The following ADGRV1 variants were observed in gnomAD, a reference collection of about 807,000 sequenced individuals.
The protein encoded by ADGRV1 is G-protein coupled receptor 98.
A neutral mutation model predicts 596.2 loss-of-function variants in ADGRV1; 359 were observed. The observed-to-expected ratio is 0.60, with a 90% CI of 0.55 to 0.66. ADGRV1 has a LOEUF of 0.66. Ranked by LOEUF, ADGRV1 falls within the 30% of genes least tolerant of loss-of-function variation. The pLI is 0.00. For missense variants in ADGRV1, 7,274 were observed against 7,575.6 expected (o/e 0.96, Z 1.48); for synonymous variants, 2,681 against 2,679.2 (o/e 1.00, Z -0.02).
Position 90,705,392 on chromosome 5 carries a change from A to G in ADGRV1, c.8387-8A>G, listed in dbSNP as rs747409190. The G allele has an allele frequency of 1.5e-5, 24 of 1,612,468 alleles. No individual in the cohort carries two copies. Among genetic ancestry groups the G allele is most frequent in the Admixed American group, 1.3e-4 (8 of 59,870 alleles). ...AATCACTGTTAGATTCCTGCCTGAC[A>G]TTTTTAGGAGTTCCACCAGCCGGAA... On this transcript the variant is annotated splice_region_variant and splice_polypyrimidine_tract_variant and intron_variant, in intron 36 of 89. Transcript: ENST00000405460.
intron 1 of ADGRV1, among the ~76,000 whole-genome samples, chr5:90,587,378 A>G (rs1377383917): frequency 6.6e-6 from 1 of 152,070 alleles, no homozygotes; most frequent in African/African-American, 2.4e-5. Flanking sequence ...TATGATCCTT[A>G]TTGTTATTGA....
chr5:90,756,551 G>A lies in ADGRV1; in HGVS notation c.11678G>A (p.Arg3893Lys). 6.2e-7 allele frequency: 1 copy of A among 1,613,598 alleles called. No homozygotes were observed. Among genetic ancestry groups the A allele is most frequent in the Non-Finnish European group, 8.5e-7 (1 of 1,179,598 alleles). The part of the protein sequence containing the change: ...DFSTGQPSVR[R>K]PGMEIAEIMI... ...TCTACAGGACAGCCAAGTGTGCGGA[G>A]GCCCGGAATGGAAATAGCTGAGATA... is the stretch of plus-strand genomic sequence containing the variant. Residue 3893 changes from arginine to lysine, a missense_variant, in exon 56 of 90, where the codon AGG (arginine) becomes AAG (lysine). This residue lies in a region of ADGRV1 where 3,643 missense variants were observed against 3,809.2 expected (regional missense o/e 0.96). Coordinates refer to ENST00000405460, the MANE Select transcript of ADGRV1 (RefSeq NM_032119.4).
At chr5:90,755,814 T>C (rs896989995) in intron 55 of ADGRV1, among the ~76,000 whole-genome samples, 2 of 148,552 alleles carry the variant, frequency 1.3e-5, no homozygotes, top group Non-Finnish European at 3.0e-5. Context: ...ATTAATCTTA[T>C]ATATTATATA....
chr5:90,777,166 G>T (rs1758333113), intron 61 of ADGRV1, among the ~76,000 whole-genome samples: 2 of 152,126 alleles, frequency 1.3e-5, no homozygotes, highest in South Asian at 4.1e-4. Flanking sequence ...GAGAGCTGAC[G>T]TGTCCTACCT....
At chr5:90,665,039 A>G (rs1048897032) in intron 21 of ADGRV1, among the ~76,000 whole-genome samples, 3 of 151,376 alleles carry the variant, frequency 2.0e-5, no homozygotes, top group African/African-American at 4.9e-5. Context: ...GGATTTTTGC[A>G]TCAGTGTTCA....
intron 42 of ADGRV1, 72 bp downstream of exon 42, chr5:90,712,500 A>T: frequency 8.8e-7 from 1 of 1,130,880 alleles, no homozygotes; most frequent in South Asian, 1.6e-5. Flanking sequence ...GAAGATGTAA[A>T]GGAATGAGAA....
chr5:90,783,537 A>T (rs1391625877), intron 66 of ADGRV1, among the ~76,000 whole-genome samples: 1 of 152,196 alleles, frequency 6.6e-6, no homozygotes. Flanking sequence ...AAAGGAAATA[A>T]TATTTTCTGT....
intron 21 of ADGRV1, among the ~76,000 whole-genome samples, chr5:90,662,945 CA>C (rs1300310531): frequency 6.6e-6 from 1 of 150,812 alleles, no homozygotes; most frequent in Non-Finnish European, 1.5e-5. Context: ...ATGAACTCAT[CA>C]TTTTTTATGG....
At chr5:90,958,590 T>C (rs1409066603) in intron 83 of ADGRV1, among the ~76,000 whole-genome samples, 10 of 152,136 alleles carry the variant, frequency 6.6e-5, no homozygotes, top group Admixed American at 5.2e-4. Context: ...GTTGAAGGTG[T>C]CTTCAGGGTT....
chr5:91,104,540 A>G lies in ADGRV1; in HGVS notation c.18432+2200A>G, dbSNP rs1171721236. 2.6e-5 allele frequency among the ~76,000 whole-genome samples: 4 copies of G among 152,138 alleles called. No individual in the cohort carries two copies. The East Asian group carries it at 7.7e-4, about 29-fold the overall frequency. Reference sequence around the variant, plus strand: ...ACACAAGAACTTACTTCTTCTATCTAGCTGTAATTTTATATCTTTTAACAA... The same window carrying G: ...ACACAAGAACTTACTTCTTCTATCTGGCTGTAATTTTATATCTTTTAACAA... On this transcript the variant is annotated intron_variant, in intron 87 of 89. Transcript: ENST00000405460.
chr5:90,910,085 T>G (rs987813344), intron 83 of ADGRV1, among the ~76,000 whole-genome samples: 1 of 152,206 alleles, frequency 6.6e-6, no homozygotes, highest in Non-Finnish European at 1.5e-5. Context: ...GGTATTGCTG[T>G]TTATGCGTGC....
chr5:90,727,949 C>G (rs1040692918), intron 48 of ADGRV1, among the ~76,000 whole-genome samples: 1 of 152,204 alleles, frequency 6.6e-6, no homozygotes, highest in Admixed American at 6.5e-5. Context: ...TTGTCATCTT[C>G]AGTACTTGAC....
At position 90,844,970 on chromosome 5, in the gene ADGRV1, A is replaced by C. The variant is rs558013222; in HGVS notation, c.17020-3667A>C. Among the ~76,000 whole-genome samples, 4 of 152,300 alleles carry C rather than the reference A, an allele frequency of 2.6e-5. No homozygotes were observed. The South Asian group carries it at 8.3e-4, about 32-fold the overall frequency. ...ACAGATACCTTATATTTCAAGAATT[A>C]GTTTTTACACTTGATTTATTTTGTA... is the stretch of plus-strand genomic sequence containing the variant. On this transcript the variant is annotated intron_variant, in intron 78 of 89. Coordinates refer to ENST00000405460, the MANE Select transcript of ADGRV1 (RefSeq NM_032119.4).
At chr5:91,163,722 T>C in intron 89 of ADGRV1, 60 bp from the exon 90 acceptor site, 1 of 667,340 alleles carries the variant, frequency 1.5e-6, no homozygotes, top group South Asian at 2.0e-5. Context: ...GTAAATTGAT[T>C]CTTAAGAATT....
chr5:90,992,822 A>G (rs998769610), intron 85 of ADGRV1, among the ~76,000 whole-genome samples: 2 of 152,118 alleles, frequency 1.3e-5, no homozygotes, highest in African/African-American at 4.8e-5. Flanking sequence ...TCTCTTCACT[A>G]TTTTGATAGA....
chr5:90,640,623 G>A (rs534460985), intron 11 of ADGRV1: 1 of 152,530 alleles, frequency 6.6e-6, no homozygotes, highest in East Asian at 1.9e-4. Context: ...AGTGGGAACT[G>A]CCGAACCTCT....
rs188458580 is a variant in ADGRV1 at position 91,031,139 on chromosome 5, G to A, written c.18153-41308G>A. ...CACAAGTAAAAGAACAGAAACATCTGTAAGTAAGGTATTAGAAAAATAATT... is the reference window on the plus strand; with the variant it reads ...CACAAGTAAAAGAACAGAAACATCTATAAGTAAGGTATTAGAAAAATAATT... On this transcript the variant is annotated intron_variant, in intron 85 of 89. Transcript: ENST00000405460. 22 of 1,341,626 alleles carry A rather than the reference G, an allele frequency of 1.6e-5. No individual in the cohort carries two copies. In the East Asian group the frequency reaches 4.4e-4, roughly 27 times the overall value. 83.1% of individuals were successfully genotyped at this position (1,341,626 alleles called of 1,614,324 possible).
intron 77 of ADGRV1, among the ~76,000 whole-genome samples, chr5:90,835,401 TC>T (rs1482933938): frequency 6.6e-6 from 1 of 152,162 alleles, no homozygotes; most frequent in Non-Finnish European, 1.5e-5. Context: ...AACAAAAGGA[TC>T]CTCTGTGTCT....
At chr5:90,669,080 A>G (rs1772041251) in intron 21 of ADGRV1, among the ~76,000 whole-genome samples, 1 of 152,208 alleles carries the variant, frequency 6.6e-6, no homozygotes, top group South Asian at 2.1e-4. Flanking sequence ...TTAACTCATG[A>G]GATGTTACGA....
Sources: allele counts gnomAD v4.1 joint callset (sites outside exome capture counted in the v4.1 genomes callset), GRCh38; gene constraint gnomAD v4.1.1; regional missense constraint gnomAD v4.1.1; transcripts MANE v1.5; gene names NCBI Gene and HGNC (gene_info 2026-07-23, HGNC 2026-07-21).